The following CMIP variants were observed in gnomAD, a reference collection of about 807,000 sequenced individuals.
The protein encoded by CMIP is C-Maf-inducing protein.
In CMIP, 13 loss-of-function variants were observed where a neutral mutation model predicts 97.3. That is an observed-to-expected ratio of 0.13 (90% CI 0.09 to 0.21). CMIP has a LOEUF of 0.21. Among genes scored for constraint, CMIP ranks in the 10% least tolerant of loss-of-function variants. The pLI is 1.00. For synonymous variants in CMIP, 538 were observed against 436.3 expected (o/e 1.23, Z -2.91); for missense variants, 847 against 1,024.9 (o/e 0.83, Z 2.37).
chr16:81,640,802 A>G (rs1449843755), intron 3 of CMIP, among the ~76,000 whole-genome samples: 1 of 146,334 alleles, frequency 6.8e-6, no homozygotes, highest in Non-Finnish European at 1.5e-5. Flanking sequence ...CCTTTTTATA[A>G]CGACGCCAGT....
In CMIP at chr16:81,670,174, T is replaced by G; in HGVS notation, c.858T>G (p.Phe286Leu). 4 of 1,611,248 alleles carry G rather than the reference T, an allele frequency of 2.5e-6. No homozygotes were observed. The highest frequency in any genetic ancestry group is 3.4e-6 in the Non-Finnish European group (4 of 1,178,896). Residue 286 changes from phenylalanine to leucine, a missense_variant, in exon 8 of 21, where the codon TTT becomes TTG. Phe to Leu is a conservative substitution (Grantham distance 22). Around this residue, in one of 4 missense-constraint regions of CMIP, gnomAD observed 285 missense variants for 392.2 expected, o/e 0.73. Transcript: ENST00000537098. ...DFGKCPRLRLFTQEYILALNE... is the reference protein window; with the variant it reads ...DFGKCPRLRLLTQEYILALNE... The stretch of plus-strand genomic sequence containing the variant: ...GGAAGTGCCCGCGACTGAGGCTGTT[T>G]ACTCAGGAGTACATCCTTGCCTTGA...
chr16:81,584,986 G>T (rs1180959393), intron 1 of CMIP, among the ~76,000 whole-genome samples: 1 of 152,190 alleles, frequency 6.6e-6, no homozygotes, highest in Non-Finnish European at 1.5e-5. Context: ...AGAATTCATT[G>T]CATTCGTGTG....
In CMIP at chr16:81,652,424, C is replaced by T; in HGVS notation, c.639+60C>T. 4 of 1,443,982 alleles carry T rather than the reference C, an allele frequency of 2.8e-6. No individual in the cohort carries two copies. Among genetic ancestry groups the T allele is most frequent in the Non-Finnish European group, 3.8e-6 (4 of 1,045,664 alleles). The allele number at this position is 1,443,982 out of a possible 1,614,324, so 89.4% of individuals were successfully genotyped here. On this transcript the variant is annotated intron_variant, in intron 4 of 20. Transcript: ENST00000537098. This position sits in a 1 kb window ranked among gnomAD's most constrained non-coding sequence, Gnocchi z 5.2. ...TGCCTTTCCCTCCACCGATCACCGGCTCCATGCCAAGCAGCAGGCGCAGGC... is the reference window on the plus strand; with the variant it reads ...TGCCTTTCCCTCCACCGATCACCGGTTCCATGCCAAGCAGCAGGCGCAGGC...
intron 4 of CMIP, among the ~76,000 whole-genome samples, chr16:81,653,184 G>C (rs1449798361): frequency 6.6e-6 from 1 of 152,188 alleles, no homozygotes; most frequent in Admixed American, 6.5e-5. Flanking sequence ...GATGACTCCT[G>C]ATTTAAACTG....
intron 3 of CMIP, among the ~76,000 whole-genome samples, chr16:81,628,144 G>C (rs1218862976): frequency 3.3e-5 from 5 of 152,154 alleles, no homozygotes; most frequent in African/African-American, 1.2e-4. Context: ...TGAGGCTCTG[G>C]ACCGGGCCTC....
intron 1 of CMIP, chr16:81,603,311 T>C (rs2091688482): frequency 6.8e-6 from 3 of 443,614 alleles, no homozygotes; most frequent in Non-Finnish European, 1.4e-5. Flanking sequence ...TCGATCAAGG[T>C]GACGTCATGA....
At chr16:81,515,949 C>T (rs1478606293) in intron 1 of CMIP, among the ~76,000 whole-genome samples, 5 of 152,218 alleles carry the variant, frequency 3.3e-5, no homozygotes, top group Admixed American at 1.3e-4. Flanking sequence ...TCCCACTGGA[C>T]GGACCCTATG....
intron 1 of CMIP, among the ~76,000 whole-genome samples, chr16:81,513,992 G>A (rs943600255): frequency 9.2e-5 from 14 of 152,022 alleles, no homozygotes; most frequent in African/African-American, 3.1e-4. Flanking sequence ...CAGACCATGG[G>A]GTTTCCGTTG....
At chr16:81,579,391 T>A (rs1484817442) in intron 1 of CMIP, among the ~76,000 whole-genome samples, 3 of 152,220 alleles carry the variant, frequency 2.0e-5, no homozygotes, top group Non-Finnish European at 4.4e-5. Flanking sequence ...CCCCTTCCTC[T>A]GTGCCCCAAA....
intron 14 of CMIP, among the ~76,000 whole-genome samples, chr16:81,699,233 A>G (rs909662168): frequency 7.9e-5 from 12 of 152,208 alleles, no homozygotes; most frequent in African/African-American, 2.9e-4. Context: ...TCCAGCCTGG[A>G]CAATAGAGCG....
intron 19 of CMIP, among the ~76,000 whole-genome samples, chr16:81,706,432 C>A (rs964719076): frequency 6.6e-6 from 1 of 152,202 alleles, no homozygotes; most frequent in Admixed American, 6.5e-5. Context: ...GGAGGCAGAG[C>A]GGCAGCGCTC....
chr16:81,475,733 C>T (rs1907866431), intron 1 of CMIP, among the ~76,000 whole-genome samples: 6 of 152,150 alleles, frequency 3.9e-5, no homozygotes, highest in Admixed American at 3.9e-4. Flanking sequence ...CTGCCGTAAT[C>T]CCAGCACTTT....
chr16:81,558,222 C>G (rs1315241531), intron 1 of CMIP, among the ~76,000 whole-genome samples: 1 of 152,186 alleles, frequency 6.6e-6, no homozygotes, highest in Admixed American at 6.5e-5. Context: ...TTCCACCTCT[C>G]GGCCGTTAGA....
chr16:81,551,019 TTCA>T (rs981729303), intron 1 of CMIP, among the ~76,000 whole-genome samples: 4 of 134,302 alleles, frequency 3.0e-5, no homozygotes, highest in East Asian at 2.2e-4. Context: ...CGCACCCCAG[TTCA>T]TCACACGCAC....
chr16:81,654,259 A>C (rs11863265), intron 4 of CMIP, among the ~76,000 whole-genome samples: 44 of 143,176 alleles, frequency 3.1e-4, no homozygotes, highest in Non-Finnish European at 5.3e-4. Context: ...ATTATTAACA[A>C]TGGGGTCTCA....
chr16:81,579,869 T>C lies in CMIP; in HGVS notation c.301-27698T>C, dbSNP rs143180291. Among the ~76,000 whole-genome samples the C allele has an allele frequency of 3.7e-3, 564 of 152,242 alleles. 6 individuals are homozygous for C. The highest frequency in any genetic ancestry group is 0.013 in the African/African-American group (533 of 41,542). On this transcript the variant is annotated intron_variant, in intron 1 of 20. Transcript: ENST00000537098. ...TACTCGGGAGGCTGAGGCCGGAGAA[T>C]GGCGTGAACCCGGGAGGCGGAGCTT...
Position 81,515,802 on chromosome 16 carries a change from C to T in CMIP, c.300+70261C>T, listed in dbSNP as rs139433526. On this transcript the variant is annotated intron_variant, in intron 1 of 20. Coordinates refer to ENST00000537098, the MANE Select transcript of CMIP (RefSeq NM_198390.3). ...TGTAGGTTCTTGTGTCCCAGGCTCC[C>T]GTGTCACTGGATTCAACCCGTGGGA... is the stretch of plus-strand genomic sequence containing the variant. Among the ~76,000 whole-genome samples the T allele has an allele frequency of 1.4e-4, 22 of 152,246 alleles. No individual in the cohort carries two copies. The East Asian group carries it at 3.9e-3, about 27-fold the overall frequency.
chr16:81,487,382 G>T (rs1201778125), intron 1 of CMIP, among the ~76,000 whole-genome samples: 1 of 152,224 alleles, frequency 6.6e-6, no homozygotes, highest in East Asian at 1.9e-4. Context: ...GCCGAGTGGG[G>T]CTCTGACTGC....
chr16:81,699,909 G>A (rs1907202682), intron 15 of CMIP, 108 bp downstream of exon 15: 1 of 719,528 alleles, frequency 1.4e-6, no homozygotes, highest in East Asian at 2.8e-5. Context: ...ACGGGGGGCA[G>A]TGGGTGAGGC....
Sources: allele counts gnomAD v4.1 joint callset (sites outside exome capture counted in the v4.1 genomes callset), GRCh38; gene constraint gnomAD v4.1.1; regional missense constraint gnomAD v4.1.1; non-coding constraint Gnocchi (gnomAD v3.1); transcripts MANE v1.5; gene names NCBI Gene and HGNC (gene_info 2026-07-23, HGNC 2026-07-21).